The following SH3RF2 variants were observed in gnomAD, a reference collection of about 807,000 sequenced individuals.
SH3RF2 encodes the protein SH3 domain containing ring finger 2.
SH3RF2 carries 43 observed loss-of-function variants against 59.0 expected under a neutral mutation model. The ratio of observed to expected loss-of-function variants is 0.73; its 90% CI spans 0.57 to 0.94. SH3RF2 has a LOEUF of 0.94. Ranked by LOEUF, SH3RF2 falls within the 40% of genes least tolerant of loss-of-function variation. The probability of loss-of-function intolerance (pLI) is 0.00; values close to 1 mark genes in which losing one functional copy is unlikely to be tolerated. For missense variants in SH3RF2, 930 were observed against 940.1 expected, an observed-to-expected ratio of 0.99 and a Z score of 0.14; for synonymous variants, 391 against 391.5, an observed-to-expected ratio of 1.00 and a Z score of 0.01.
intron 9 of SH3RF2, among the ~76,000 whole-genome samples, chr5:146,077,884 T>G (rs1561778478): frequency 6.6e-6 from 1 of 152,190 alleles, no homozygotes. Flanking sequence ...GGAATGTCTC[T>G]CAATTTGTGT....
At chr5:145,959,264 A>G (rs1758532496) in intron 2 of SH3RF2, among the ~76,000 whole-genome samples, 2 of 152,202 alleles carry the variant, frequency 1.3e-5, no homozygotes, top group Non-Finnish European at 2.9e-5. Flanking sequence ...GAATAGAAAA[A>G]TGATTATCAG....
intron 6 of SH3RF2, among the ~76,000 whole-genome samples, chr5:146,048,754 G>C (rs868652938): frequency 1.3e-5 from 2 of 152,082 alleles, no homozygotes; most frequent in African/African-American, 4.8e-5. Flanking sequence ...AGTCCTGATT[G>C]TCTTTACCCC....
At chr5:145,960,741 A>T (rs1030558113) in intron 2 of SH3RF2, among the ~76,000 whole-genome samples, 1 of 152,166 alleles carries the variant, frequency 6.6e-6, no homozygotes, top group Non-Finnish European at 1.5e-5. Flanking sequence ...GAAACTTGGC[A>T]TTTTTACCCA....
chr5:146,022,701 C>T (rs59395424), intron 5 of SH3RF2, among the ~76,000 whole-genome samples: 3 of 151,786 alleles, frequency 2.0e-5, no homozygotes, highest in Admixed American at 6.6e-5. Context: ...GGAGAAACCC[C>T]GTCTCTACTA....
At chr5:145,979,729 G>A (rs1759438526) in intron 2 of SH3RF2, among the ~76,000 whole-genome samples, 1 of 152,176 alleles carries the variant, frequency 6.6e-6, no homozygotes, top group African/African-American at 2.4e-5. Context: ...TCTGTCAAAT[G>A]GATGAATAAT....
intron 2 of SH3RF2, among the ~76,000 whole-genome samples, chr5:145,949,258 C>T (rs962473916): frequency 1.3e-4 from 20 of 152,204 alleles, no homozygotes; most frequent in African/African-American, 4.8e-4. Flanking sequence ...AACTGACTGG[C>T]ATGCCAAAGC....
chr5:146,007,627 A>G (rs1173569816), intron 4 of SH3RF2, among the ~76,000 whole-genome samples: 1 of 152,128 alleles, frequency 6.6e-6, no homozygotes, highest in Non-Finnish European at 1.5e-5. Context: ...CAGTCATCTT[A>G]TTACCCATTT....
At chr5:145,986,285 A>G (rs1759702226) in intron 2 of SH3RF2, among the ~76,000 whole-genome samples, 2 of 152,322 alleles carry the variant, frequency 1.3e-5, no homozygotes, top group South Asian at 4.1e-4. Context: ...GCCGGGGTAG[A>G]GCAACCAGAG....
At chr5:145,966,365 A>T (rs543934588) in intron 2 of SH3RF2, among the ~76,000 whole-genome samples, 16 of 152,310 alleles carry the variant, frequency 1.1e-4, no homozygotes, top group Non-Finnish European at 2.1e-4. Flanking sequence ...ATGTAGGTGA[A>T]ATCAATAACA....
Position 146,056,076 on chromosome 5 carries a change from A to G in SH3RF2, c.1418A>G (p.Glu473Gly), listed in dbSNP as rs745876272. ...GTGTCCTCCCAAGGCAGCATTTCAG[A>G]AGGTGATCCACGGCAAAGCCGTCCC... ...SSVSSQGSIS[E>G]GDPRQSRPFK... The change falls in exon 8 of 10, where the codon GAA becomes GGA. Residue 473 changes from glutamate (E) to glycine (G), a missense_variant. Physicochemically the swap from Glu to Gly is moderately conservative, Grantham distance 98 (BLOSUM62 -2). Transcript: ENST00000359120. The G allele has an allele frequency of 3.7e-6, 6 of 1,614,222 alleles. No homozygotes were observed. In the Admixed American group the frequency reaches 1.0e-4, roughly 27 times the overall value.
chr5:145,944,337 C>CT (rs59087828), intron 2 of SH3RF2, among the ~76,000 whole-genome samples: 3,158 of 141,058 alleles, frequency 0.022, 88 homozygotes, highest in African/African-American at 0.074. Flanking sequence ...TTTCTTTTCC[C>CT]TTTTTTTTTT....
At chr5:146,028,099 T>C (rs528182852) in intron 5 of SH3RF2, among the ~76,000 whole-genome samples, 1 of 149,942 alleles carries the variant, frequency 6.7e-6, no homozygotes, top group Admixed American at 6.7e-5. Flanking sequence ...CATTTTAATG[T>C]AGACACTATA....
intron 2 of SH3RF2, among the ~76,000 whole-genome samples, chr5:145,955,031 C>T (rs1758339475): frequency 6.6e-6 from 1 of 152,108 alleles, no homozygotes; most frequent in African/African-American, 2.4e-5. Flanking sequence ...AGAAATCCAC[C>T]CCCATGATCC....
chr5:146,018,388 G>C (rs1229130590), intron 5 of SH3RF2, among the ~76,000 whole-genome samples: 1 of 152,004 alleles, frequency 6.6e-6, no homozygotes, highest in Non-Finnish European at 1.5e-5. Flanking sequence ...TAGGATTATA[G>C]CCTCCAGTTC....
chr5:146,064,850 A>AAG (rs1763058801), downstream of SH3RF2, among the ~76,000 whole-genome samples: 1 of 21,628 alleles, frequency 4.6e-5, no homozygotes, highest in East Asian at 6.7e-3. Flanking sequence ...GAAAGAAAGA[A>AAG]AGAAAGAAAG....
chr5:146,047,940 C>A (rs1762367450), intron 6 of SH3RF2, 77 bp downstream of exon 6: 7 of 1,334,298 alleles, frequency 5.2e-6, no homozygotes, highest in Non-Finnish European at 3.2e-6. Flanking sequence ...GGTGATCTAG[C>A]ATCACCATTC....
At chr5:146,055,942 T>C in intron 7 of SH3RF2, 39 bp from the exon 8 acceptor site, 2 of 1,594,494 alleles carry the variant, frequency 1.3e-6, no homozygotes, top group Non-Finnish European at 1.7e-6. Context: ...ATTTTCTTTC[T>C]CTATTTCTTC....
chr5:145,964,451 C>T (rs904158984), intron 2 of SH3RF2, among the ~76,000 whole-genome samples: 5 of 151,668 alleles, frequency 3.3e-5, no homozygotes, highest in African/African-American at 1.2e-4. Flanking sequence ...AGATCACAGA[C>T]GCGCCCCACC....
intron 5 of SH3RF2, among the ~76,000 whole-genome samples, 197 bp from the exon 6 acceptor site, chr5:146,047,575 C>T (rs1762350200): frequency 6.6e-6 from 1 of 152,054 alleles, no homozygotes; most frequent in Admixed American, 6.5e-5. Context: ...AGCCACCCCA[C>T]CAGGCCATAA....
Sources: gnomAD v4.1 joint callset for allele counts (sites outside exome capture counted in the v4.1 genomes callset) on GRCh38, gnomAD v4.1.1 for gene constraint, MANE v1.5 for transcripts, NCBI Gene and HGNC (gene_info 2026-07-23, HGNC 2026-07-21) for gene names.